Variants in PARVB observed in about 807,000 individuals in gnomAD.
PARVB encodes beta-parvin.
A neutral mutation model predicts 47.0 loss-of-function variants in PARVB; 46 were observed. The ratio of observed to expected loss-of-function variants is 0.98; its 90% CI spans 0.77 to 1.25. The LOEUF (loss-of-function observed/expected upper bound fraction) is 1.25. Ranked by LOEUF, PARVB falls within the 50% of genes most tolerant of loss-of-function variation. PARVB has a pLI of 0.00. For synonymous variants in PARVB, 196 were observed against 196.3 expected, an observed-to-expected ratio of 1.00 and a Z score of 0.01; for missense variants, 473 against 471.6, an observed-to-expected ratio of 1.00 and a Z score of -0.03.
intron 2 of PARVB, among the ~76,000 whole-genome samples, chr22:44,017,676 A>G (rs2050597880): frequency 6.6e-6 from 1 of 152,098 alleles, no homozygotes; most frequent in South Asian, 2.1e-4. Context: ...TCAAAAATCC[A>G]TTATTTCCTG....
chr22:44,118,996 GGC>G (rs2052977943), intron 3 of PARVB, 40 bp from the exon 4 acceptor site: 6 of 1,356,670 alleles, frequency 4.4e-6, no homozygotes, highest in Non-Finnish European at 6.3e-6. Context: ...TCATTGCCGT[GGC>G]GCTGGTGGAC....
At chr22:44,122,516 G>GAC (rs1569134232) in intron 4 of PARVB, among the ~76,000 whole-genome samples, 2 of 85,772 alleles carry the variant, frequency 2.3e-5, no homozygotes, top group African/African-American at 7.8e-5. Flanking sequence ...GAGAGAGAGA[G>GAC]AGACAGAGAG....
At chr22:44,085,102 G>A (rs1353382590) in intron 1 of PARVB, among the ~76,000 whole-genome samples, 2 of 151,998 alleles carry the variant, frequency 1.3e-5, no homozygotes, top group Non-Finnish European at 2.9e-5. Context: ...GAAATACATA[G>A]TGGTGAGTTT....
At chr22:44,076,463 C>T (rs886684167) in intron 1 of PARVB, among the ~76,000 whole-genome samples, 4 of 152,202 alleles carry the variant, frequency 2.6e-5, no homozygotes, top group Non-Finnish European at 5.9e-5. Flanking sequence ...CTCTTCCCTC[C>T]GGAGGGTGCA....
At chr22:44,133,946 C>T (rs1360628217) in intron 6 of PARVB, among the ~76,000 whole-genome samples, 2 of 152,252 alleles carry the variant, frequency 1.3e-5, no homozygotes, top group Non-Finnish European at 2.9e-5. Context: ...TCAGCATAGG[C>T]TGCCGAGCCA....
rs191347303 is a variant in PARVB, at chr22:44,063,656, G to A, written c.113-30272G>A. On this transcript the variant is annotated intron_variant, in intron 1 of 12. Transcript: ENST00000338758. ...TTAGTGGGGTTGGGGAGTGATTTCC[G>A]GGGCACAGTGATCCCCAGAGTATGT... Among the ~76,000 whole-genome samples the A allele has an allele frequency of 2.3e-3, 355 of 152,146 alleles. 3 individuals are homozygous for A. The highest frequency in any genetic ancestry group is 3.9e-3 in the Non-Finnish European group (262 of 67,994).
chr22:44,027,416 T>G (rs1042935852), intron 1 of PARVB, among the ~76,000 whole-genome samples: 1 of 152,096 alleles, frequency 6.6e-6, no homozygotes, highest in Non-Finnish European at 1.5e-5. Flanking sequence ...CTCCACACAT[T>G]TGCCACAAGA....
intron 1 of PARVB, chr22:44,081,716 C>T (rs993612169): frequency 5.1e-5 from 34 of 669,248 alleles, no homozygotes; most frequent in Non-Finnish European, 6.3e-5. Flanking sequence ...CGGTGGGGCT[C>T]ATTGTGCAGC....
chr22:44,035,640 G>A (rs1447833350), intron 1 of PARVB, among the ~76,000 whole-genome samples: 1 of 151,976 alleles, frequency 6.6e-6, no homozygotes, highest in South Asian at 2.1e-4. Flanking sequence ...CAAAGTGCTG[G>A]GATTACGGGT....
chr22:44,101,744 A>G (rs1221048154), intron 3 of PARVB, among the ~76,000 whole-genome samples: 1 of 147,352 alleles, frequency 6.8e-6, no homozygotes, highest in Non-Finnish European at 1.5e-5. Context: ...GTAAAACTCC[A>G]TCTCACAGAA....
At chr22:44,084,108 C>T (rs540954485) in intron 1 of PARVB, among the ~76,000 whole-genome samples, 4 of 152,302 alleles carry the variant, frequency 2.6e-5, no homozygotes, top group East Asian at 3.9e-4. Flanking sequence ...GATGATGGGA[C>T]GGCTTCAACC....
At chr22:44,077,049 G>A (rs1888308147) in intron 1 of PARVB, among the ~76,000 whole-genome samples, 3 of 152,312 alleles carry the variant, frequency 2.0e-5, no homozygotes, top group African/African-American at 7.2e-5. Context: ...AGCAGCAGGT[G>A]CAACCGGGCC....
intron 2 of PARVB, among the ~76,000 whole-genome samples, chr22:43,999,930 C>T (rs2050397563): frequency 6.6e-6 from 1 of 151,196 alleles, no homozygotes; most frequent in Non-Finnish European, 1.5e-5. Context: ...TCACTTGAGC[C>T]CAGGAGGTTA....
At chr22:44,090,342 C>T (rs549374412) in intron 1 of PARVB, among the ~76,000 whole-genome samples, 23 of 152,346 alleles carry the variant, frequency 1.5e-4, no homozygotes, top group African/African-American at 5.5e-4. Context: ...TCCCTCAGGC[C>T]ATCGTGCATA....
intron 1 of PARVB, among the ~76,000 whole-genome samples, chr22:44,083,872 A>G (rs1261531425): frequency 6.6e-6 from 1 of 152,162 alleles, no homozygotes; most frequent in Non-Finnish European, 1.5e-5. Context: ...TCTACATCAG[A>G]CAGGACTCTC....
intron 1 of PARVB, among the ~76,000 whole-genome samples, chr22:44,070,631 A>G (rs1006655316): frequency 9.2e-5 from 14 of 152,182 alleles, no homozygotes; most frequent in Non-Finnish European, 1.9e-4. Context: ...GGAGGGGCAT[A>G]ATGAAATTGA....
intron 2 of PARVB, 101 bp from the exon 3 acceptor site, chr22:44,099,952 C>T (rs955498333): frequency 3.7e-5 from 35 of 956,652 alleles, no homozygotes; most frequent in Non-Finnish European, 5.6e-5. Flanking sequence ...GCTGGGTTCT[C>T]TGCTTCTCCA....
intron 6 of PARVB, among the ~76,000 whole-genome samples, chr22:44,133,226 G>A (rs1462923870): frequency 6.6e-6 from 1 of 152,128 alleles, no homozygotes; most frequent in Non-Finnish European, 1.5e-5. Context: ...GCAGAGGCAT[G>A]AGGGTGTTGA....
intron 2 of PARVB, among the ~76,000 whole-genome samples, chr22:44,015,848 G>C (rs763870740): frequency 1.3e-5 from 2 of 152,090 alleles, no homozygotes; most frequent in Non-Finnish European, 2.9e-5. Flanking sequence ...AAAAAGATTA[G>C]GGTGCAGACA....
Sources: gnomAD v4.1 joint callset for allele counts (sites outside exome capture counted in the v4.1 genomes callset) on GRCh38, gnomAD v4.1.1 for gene constraint, MANE v1.5 for transcripts, NCBI Gene and HGNC (gene_info 2026-07-23, HGNC 2026-07-21) for gene names.